ADGRB3: variants seen among roughly 807,000 people sequenced by gnomAD.
The protein encoded by ADGRB3 is brain-specific angiogenesis inhibitor 3.
ADGRB3 carries 37 observed loss-of-function variants against 193.4 expected under a neutral mutation model. The observed-to-expected ratio is 0.19, with a 90% CI of 0.15 to 0.25. The LOEUF is 0.25. Among genes scored for constraint, ADGRB3 ranks in the 10% least tolerant of loss-of-function variants. ADGRB3 has a pLI of 1.00. For missense variants in ADGRB3, 1,637 were observed against 1,852.9 expected (o/e 0.88, Z 2.14); for synonymous variants, 690 against 644.2 (o/e 1.07, Z -1.08).
Position 68,987,122 on chromosome 6 carries a change from C to G in ADGRB3, c.1735-6646C>G, listed in dbSNP as rs193117294. ...AGACTTGTCCTTTGGAGCAATAATG[C>G]TCACAGTGTTGCAATGTGAGCAAGC... On this transcript the variant is annotated intron_variant, in intron 10 of 31. Coordinates refer to ENST00000370598, the MANE Select transcript of ADGRB3 (RefSeq NM_001704.3). Among the ~76,000 whole-genome samples, 104 of 152,206 alleles carry G rather than the reference C, an allele frequency of 6.8e-4. 2 individuals carry two copies. The highest frequency in any genetic ancestry group is 6.7e-3 in the Admixed American group (103 of 15,274).
intron 3 of ADGRB3, among the ~76,000 whole-genome samples, chr6:68,673,074 G>C (rs1396658693): frequency 2.0e-5 from 3 of 151,846 alleles, no homozygotes; most frequent in Admixed American, 6.6e-5. Context: ...GTATGTGTTT[G>C]TTTGCATCTG....
chr6:69,096,066 T>A (rs1229113468), intron 17 of ADGRB3, among the ~76,000 whole-genome samples: 1 of 152,204 alleles, frequency 6.6e-6, no homozygotes, highest in Admixed American at 6.5e-5. Context: ...GTGGCTTACA[T>A]TTCATTTTTT....
intron 26 of ADGRB3, among the ~76,000 whole-genome samples, chr6:69,343,139 T>A (rs1485319707): frequency 1.0e-5 from 1 of 98,520 alleles, no homozygotes; most frequent in Non-Finnish European, 2.1e-5. Flanking sequence ...CTAATTTATT[T>A]TATTTTTTTT....
At chr6:68,789,345 G>A (rs801268) in intron 3 of ADGRB3, among the ~76,000 whole-genome samples, 3,005 of 152,222 alleles carry the variant, frequency 0.02, 96 homozygotes, top group African/African-American at 0.066. Flanking sequence ...TTTAGGGCAG[G>A]CCTGGTGGTG....
intron 3 of ADGRB3, among the ~76,000 whole-genome samples, chr6:68,661,534 TATAC>T (rs1303398274): frequency 2.4e-5 from 1 of 41,282 alleles, no homozygotes; most frequent in African/African-American, 9.2e-5. Flanking sequence ...TATATATGTG[TATAC>T]ATATATATAT....
chr6:69,247,298 A>T (rs567073715), intron 20 of ADGRB3, among the ~76,000 whole-genome samples: 1 of 152,324 alleles, frequency 6.6e-6, no homozygotes, highest in African/African-American at 2.4e-5. Flanking sequence ...TGTGGGAAAT[A>T]AAAAGGGCAC....
At chr6:68,698,420 T>A (rs1278578921) in intron 3 of ADGRB3, among the ~76,000 whole-genome samples, 2 of 151,994 alleles carry the variant, frequency 1.3e-5, no homozygotes, top group Non-Finnish European at 2.9e-5. Flanking sequence ...CCATAAAGAA[T>A]GGGAATGAGT....
At chr6:69,031,545 C>CTTTA in intron 13 of ADGRB3, among the ~76,000 whole-genome samples, 1 of 60,910 alleles carries the variant, frequency 1.6e-5, no homozygotes, top group Non-Finnish European at 3.7e-5. Flanking sequence ...TTCTTTCTTT[C>CTTTA]TTTCTTTTTC....
At chr6:68,990,712 T>C (rs1409625044) in intron 10 of ADGRB3, among the ~76,000 whole-genome samples, 1 of 152,148 alleles carries the variant, frequency 6.6e-6, no homozygotes, top group Non-Finnish European at 1.5e-5. Flanking sequence ...TGTTGTGATG[T>C]TTTTGTTTGA....
chr6:69,000,148 C>T (rs1582383632), intron 11 of ADGRB3, among the ~76,000 whole-genome samples: 1 of 152,048 alleles, frequency 6.6e-6, no homozygotes. Context: ...TATCTTCAGG[C>T]ATGTTACTTA....
In ADGRB3 at chr6:69,197,088, T is replaced by A. The variant is rs554858869; in HGVS notation, c.2481-36202T>A. On this transcript the variant is annotated intron_variant, in intron 17 of 31. Transcript: ENST00000370598. ...TATGTGTGGGTGTCTATGTCTCTTA[T>A]CATTATATTATTCATATTAATATCA... Among the ~76,000 whole-genome samples the A allele has an allele frequency of 2.0e-5, 3 of 152,206 alleles. No homozygotes were observed. The East Asian group carries it at 5.8e-4, about 29-fold the overall frequency.
At chr6:68,863,834 C>G (rs940860526) in intron 3 of ADGRB3, among the ~76,000 whole-genome samples, 30 of 152,142 alleles carry the variant, frequency 2.0e-4, no homozygotes, top group African/African-American at 7.2e-4. Context: ...AGGTCATACC[C>G]TTTTTTAAAA....
chr6:68,912,273 G>T (rs1316533452), intron 3 of ADGRB3, among the ~76,000 whole-genome samples: 1 of 151,688 alleles, frequency 6.6e-6, no homozygotes, highest in Non-Finnish European at 1.5e-5. Context: ...GCCTCTTCCA[G>T]AATGAATCTA....
intron 3 of ADGRB3, among the ~76,000 whole-genome samples, chr6:68,727,498 G>A (rs1055705979): frequency 5.9e-5 from 9 of 151,430 alleles, no homozygotes; most frequent in African/African-American, 2.2e-4. Context: ...TCCAAATTAT[G>A]TCAATACTGT....
intron 13 of ADGRB3, among the ~76,000 whole-genome samples, chr6:69,027,650 A>G (rs1770477254): frequency 6.6e-6 from 1 of 152,206 alleles, no homozygotes; most frequent in Non-Finnish European, 1.5e-5. Context: ...GAGATATTAT[A>G]ATAGACTATT....
At chr6:69,033,307 T>C (rs1009694242) in intron 13 of ADGRB3, among the ~76,000 whole-genome samples, 2 of 152,218 alleles carry the variant, frequency 1.3e-5, no homozygotes, top group Non-Finnish European at 2.9e-5. Context: ...CCTAGCTCTC[T>C]TGAATGATTC....
chr6:68,956,048 G>A lies in ADGRB3; in HGVS notation c.1220G>A (p.Ser407Asn). 1 of 1,613,688 alleles carries A rather than the reference G, an allele frequency of 6.2e-7. No homozygotes were observed. Among genetic ancestry groups the A allele is most frequent in the Non-Finnish European group, 8.5e-7 (1 of 1,179,874 alleles). The change falls in exon 7 of 32, where the codon AGT becomes AAT. Residue 407 changes from serine (S) to asparagine (N), a missense_variant. Physicochemically the swap from Ser to Asn is conservative, Grantham distance 46 (BLOSUM62 1). Coordinates refer to ENST00000370598, the MANE Select transcript of ADGRB3 (RefSeq NM_001704.3). ...GTTGATGGACAGTGGCAAGAGTGGA[G>A]TTCGTGGAGCCAGTGCTCAGTAACG... ...CPVDGQWQEW[S>N]SWSQCSVTCS...
intron 15 of ADGRB3, among the ~76,000 whole-genome samples, chr6:69,058,533 C>G (rs1771614740): frequency 6.6e-6 from 1 of 151,806 alleles, no homozygotes; most frequent in African/African-American, 2.4e-5. Context: ...AGTATAAAGT[C>G]AGGTTTTGAT....
At chr6:69,369,534 C>A (rs1459645220) in intron 29 of ADGRB3, among the ~76,000 whole-genome samples, 2 of 151,844 alleles carry the variant, frequency 1.3e-5, no homozygotes, top group Admixed American at 6.6e-5. Flanking sequence ...CTTATCTCTA[C>A]AAAAAATGCA....
Sources: gnomAD v4.1 joint callset for allele counts (sites outside exome capture counted in the v4.1 genomes callset) on GRCh38, gnomAD v4.1.1 for gene constraint, MANE v1.5 for transcripts, NCBI Gene and HGNC (gene_info 2026-07-23, HGNC 2026-07-21) for gene names.